RGSL1: variants seen among roughly 807,000 people sequenced by gnomAD.
RGSL1 encodes the protein regulator of G protein signaling protein-like.
Under a neutral mutation model 124.7 loss-of-function variants are expected in RGSL1, and 97 were observed. The observed-to-expected ratio is 0.78, with a 90% CI of 0.66 to 0.92. RGSL1 has a LOEUF of 0.92. Among genes scored for constraint, RGSL1 ranks in the 40% least tolerant of loss-of-function variants. RGSL1 has a pLI of 0.00. For synonymous variants in RGSL1, 424 were observed against 438.1 expected (o/e 0.97, Z 0.40); for missense variants, 1,233 against 1,288.4 (o/e 0.96, Z 0.66).
chr1:182,531,479 C>T (rs1041596491), intron 13 of RGSL1, among the ~76,000 whole-genome samples: 1 of 152,126 alleles, frequency 6.6e-6, no homozygotes, highest in African/African-American at 2.4e-5. Context: ...ATACATGCCC[C>T]CTTAGAGATT....
intron 14 of RGSL1, among the ~76,000 whole-genome samples, chr1:182,535,688 C>A (rs1659490935): frequency 6.6e-6 from 1 of 152,176 alleles, no homozygotes; most frequent in East Asian, 1.9e-4. Flanking sequence ...TTATCTGGCA[C>A]ATTTGTCTGT....
At chr1:182,478,892 C>T (rs930184311) in intron 6 of RGSL1, among the ~76,000 whole-genome samples, 2 of 152,124 alleles carry the variant, frequency 1.3e-5, no homozygotes, top group African/African-American at 4.8e-5. Context: ...CAGCAGATTT[C>T]TCAACAGAAA....
intron 4 of RGSL1, among the ~76,000 whole-genome samples, chr1:182,466,750 C>A (rs1653364730): frequency 6.6e-6 from 1 of 152,016 alleles, no homozygotes; most frequent in Admixed American, 6.6e-5. Flanking sequence ...GCCAATACAA[C>A]CCAAAACAAT....
chr1:182,529,768 G>T (rs1317549426), intron 11 of RGSL1, among the ~76,000 whole-genome samples: 1 of 152,128 alleles, frequency 6.6e-6, no homozygotes, highest in Non-Finnish European at 1.5e-5. Flanking sequence ...AGCTAGAAGA[G>T]GAAGAGTGTC....
At chr1:182,550,463 G>C (rs1660488258) in intron 17 of RGSL1, 1 of 152,242 alleles carries the variant, frequency 6.6e-6, no homozygotes, top group Admixed American at 6.5e-5. Context: ...TCTTAGCCAA[G>C]ATTGACCTCC....
At chr1:182,449,590 G>A (rs547202412), upstream of RGSL1, among the ~76,000 whole-genome samples, 119 of 152,298 alleles carry the variant, frequency 7.8e-4, no homozygotes, top group African/African-American at 2.8e-3. Flanking sequence ...AGCCTGAAGA[G>A]TCTTCAGAGG....
chr1:182,497,584 C>T (rs1479219768), intron 9 of RGSL1, among the ~76,000 whole-genome samples: 1 of 152,004 alleles, frequency 6.6e-6, no homozygotes, highest in Non-Finnish European at 1.5e-5. Flanking sequence ...CAAGGACATT[C>T]TCCCACAAAG....
chr1:182,465,449 A>C (rs1653224703), intron 4 of RGSL1, among the ~76,000 whole-genome samples: 2 of 122,192 alleles, frequency 1.6e-5, no homozygotes, highest in African/African-American at 3.1e-5. Context: ...AACATCACAC[A>C]CCGGGGCCTA....
intron 7 of RGSL1, 74 bp downstream of exon 7, chr1:182,488,421 G>T (rs182819139): frequency 1.5e-6 from 2 of 1,301,330 alleles, no homozygotes; most frequent in South Asian, 1.3e-5. Context: ...GTTTTAAAAG[G>T]GTTATGTGTT....
chr1:182,509,481 A>G (rs370542440), intron 9 of RGSL1, among the ~76,000 whole-genome samples: 3,079 of 49,020 alleles, frequency 0.063, 180 homozygotes, highest in South Asian at 0.2. Flanking sequence ...GCGGCTGGCC[A>G]GGCGGGGGGC....
chr1:182,459,856 G>A, intron 3 of RGSL1, 148 bp from the exon 4 acceptor site: 1 of 917,652 alleles, frequency 1.1e-6, no homozygotes, highest in Non-Finnish European at 1.6e-6. Context: ...CAGGTTCCAG[G>A]TTTATAGAAA....
In RGSL1 at chr1:182,474,389, C is replaced by T. The variant is rs1445381143; in HGVS notation, c.1278C>T (p.His426=). Residue 426 remains histidine, a synonymous_variant, in exon 6 of 22, where the codon CAC becomes CAT. Transcript: ENST00000294854. ...AGAATGGGAATGCAATCTTTCGTCA[C>T]TTGCTGGGTGACAGAATCTGCGAGC... ...NKKNGNAIFR[H]LLGDRICELY... 3 of 1,552,002 alleles carry T rather than the reference C, an allele frequency of 1.9e-6. No individual in the cohort carries two copies. The Admixed American group carries it at 5.9e-5, about 30-fold the overall frequency.
At chr1:182,558,342 A>G (rs553290389) in intron 21 of RGSL1, among the ~76,000 whole-genome samples, 1 of 152,300 alleles carries the variant, frequency 6.6e-6, no homozygotes, top group Non-Finnish European at 1.5e-5. Flanking sequence ...CCAGGTAAGG[A>G]ACCTGGCCTA....
At chr1:182,522,173 G>A in intron 10 of RGSL1, 64 bp downstream of exon 10, 1 of 1,109,718 alleles carries the variant, frequency 9.0e-7, no homozygotes, top group Non-Finnish European at 1.3e-6. Flanking sequence ...ACCTCAACAT[G>A]TCTAATGGTA....
intron 4 of RGSL1, 136 bp from the exon 5 acceptor site, chr1:182,472,260 C>G: frequency 1.2e-6 from 1 of 814,978 alleles, no homozygotes; most frequent in Admixed American, 2.9e-5. Context: ...GAGATGATAC[C>G]TTGAACCAAT....
chr1:182,525,083 A>C (rs1658643420), intron 10 of RGSL1, among the ~76,000 whole-genome samples: 1 of 152,234 alleles, frequency 6.6e-6, no homozygotes, highest in Non-Finnish European at 1.5e-5. Flanking sequence ...AACTAGCCCG[A>C]TAAGTCATTT....
chr1:182,556,086 C>A lies in RGSL1; in HGVS notation c.*29C>A, dbSNP rs1432635491. On this transcript the variant is annotated 3_prime_UTR_variant, in exon 21 of 22. Transcript: ENST00000294854. The stretch of plus-strand genomic sequence containing the variant: ...AGCGAGACCCCCAGCAGAGATAAAT[C>A]ATCTCTTAGAGGCCTCCTAACACTG... 8.4e-6 allele frequency: 13 copies of A among 1,545,774 alleles called. No individual in the cohort carries two copies. In the South Asian group the frequency reaches 1.4e-4, roughly 17 times the overall value.
At chr1:182,500,827 T>C (rs1036048392) in intron 9 of RGSL1, among the ~76,000 whole-genome samples, 2 of 152,252 alleles carry the variant, frequency 1.3e-5, no homozygotes, top group Admixed American at 6.5e-5. Context: ...GATTATTGCA[T>C]ATTGAATTTG....
intron 19 of RGSL1, 141 bp from the exon 20 acceptor site, chr1:182,554,486 T>G (rs1660747063): frequency 1.8e-5 from 12 of 683,770 alleles, no homozygotes; most frequent in Middle Eastern, 3.8e-4. Flanking sequence ...GGAACAGGCC[T>G]GCTTTACCTT....
Sources: gnomAD v4.1 joint callset for allele counts (sites outside exome capture counted in the v4.1 genomes callset) on GRCh38, gnomAD v4.1.1 for gene constraint, MANE v1.5 for transcripts, NCBI Gene and HGNC (gene_info 2026-07-23, HGNC 2026-07-21) for gene names.